The following HS3ST3B1 variants were observed in gnomAD, a reference collection of about 807,000 sequenced individuals.
The protein encoded by HS3ST3B1 is heparan sulfate-glucosamine 3-sulfotransferase 3B1.
In HS3ST3B1, 13 loss-of-function variants were observed where a neutral mutation model predicts 21.3. The ratio of observed to expected loss-of-function variants is 0.61; its 90% confidence interval spans 0.40 to 0.97. The LOEUF (loss-of-function observed/expected upper bound fraction) is 0.97, where lower values mean the gene tolerates loss of function less well. Among genes scored for constraint, HS3ST3B1 ranks in the 50% least tolerant of loss-of-function variants. The probability of loss-of-function intolerance (pLI) is 0.00; values close to 1 mark genes in which losing one functional copy is unlikely to be tolerated. For synonymous variants in HS3ST3B1, 234 were observed against 254.8 expected (o/e 0.92, Z 0.78); for missense variants, 459 against 554.8 (o/e 0.83, Z 1.73).
At chr17:14,325,873 C>T (rs549458174) in intron 1 of HS3ST3B1, among the ~76,000 whole-genome samples, 32 of 152,306 alleles carry the variant, frequency 2.1e-4, no homozygotes, top group African/African-American at 6.7e-4. Context: ...CAAAATCTGT[C>T]TTAGCATTTG....
chr17:14,336,020 A>G (rs1373435006), intron 1 of HS3ST3B1, among the ~76,000 whole-genome samples: 2 of 152,214 alleles, frequency 1.3e-5, no homozygotes, highest in Non-Finnish European at 2.9e-5. Context: ...GGAGTTCAGA[A>G]AACGTGGGGT....
chr17:14,313,309 T>C (rs1028643311), intron 1 of HS3ST3B1, among the ~76,000 whole-genome samples: 3 of 151,724 alleles, frequency 2.0e-5, no homozygotes, highest in African/African-American at 4.8e-5. Flanking sequence ...ACCCCAACTT[T>C]ATGCGCTCCA....
intron 1 of HS3ST3B1, among the ~76,000 whole-genome samples, chr17:14,323,851 T>C (rs145354282): frequency 1.3e-5 from 2 of 152,218 alleles, no homozygotes; most frequent in South Asian, 4.1e-4. Flanking sequence ...AGCTCAGCTC[T>C]TGTTCTCTCC....
In HS3ST3B1 at chr17:14,301,673, C is replaced by T. The variant is rs771998229; in HGVS notation, c.155C>T (p.Ala52Val). The change falls in exon 1 of 2, where the codon GCC (alanine) becomes GTC (valine). Residue 52 changes from alanine (A) to valine (V), a missense_variant. Ala to Val is a moderately conservative substitution (Grantham distance 64). Transcript: ENST00000360954. ...VWLYMFLYSC[A>V]GSCAAAPGLL... The stretch of plus-strand genomic sequence containing the variant: ...CTCTATATGTTCCTGTACTCGTGCG[C>T]CGGCTCCTGCGCCGCCGCGCCGGGG... The T allele has an allele frequency of 3.7e-6, 6 of 1,602,466 alleles. No individual in the cohort carries two copies. In the East Asian group the frequency reaches 1.4e-4, roughly 37 times the overall value.
At chr17:14,317,039 G>A (rs914086905) in intron 1 of HS3ST3B1, among the ~76,000 whole-genome samples, 3 of 152,254 alleles carry the variant, frequency 2.0e-5, no homozygotes, top group Non-Finnish European at 2.9e-5. Context: ...CCCTTGCTCA[G>A]GAGGAGGCGT....
In HS3ST3B1 at chr17:14,348,980, T is replaced by C. The variant is rs957179353; in HGVS notation, c.*3334T>C. Reference sequence around the variant, plus strand: ...TTGTGTGACAGATATATTTTAGACATTTGGAGAAACAGTTTCAGATCCTGC... The same window carrying C: ...TTGTGTGACAGATATATTTTAGACACTTGGAGAAACAGTTTCAGATCCTGC... On this transcript the variant is annotated 3_prime_UTR_variant, in exon 2 of 2. Transcript: ENST00000360954. The C allele has an allele frequency of 2.6e-5, 4 of 152,180 alleles. No homozygotes were observed. Among genetic ancestry groups the C allele is most frequent in the African/African-American group, 9.7e-5 (4 of 41,440 alleles). 9.4% of individuals were successfully genotyped at this position (152,180 alleles called of 1,614,324 possible).
Position 14,301,420 on chromosome 17 carries a change from G to A in HS3ST3B1, c.-99G>A, listed in dbSNP as rs1254329736. ...ACGGGGGCAATAAACCGAGCCACCC[G>A]GGCGTCCAGCGTGCCGGGGAACCCT... On this transcript the variant is annotated 5_prime_UTR_variant, in exon 1 of 2. Coordinates refer to ENST00000360954, the MANE Select transcript of HS3ST3B1 (RefSeq NM_006041.3). 7 of 1,115,192 alleles carry A rather than the reference G, an allele frequency of 6.3e-6. No individual in the cohort carries two copies. The highest frequency in any genetic ancestry group is 8.2e-6 in the Non-Finnish European group (7 of 848,998). 69.1% of individuals were successfully genotyped at this position (1,115,192 alleles called of 1,614,324 possible).
chr17:14,324,845 C>T (rs1261433593), intron 1 of HS3ST3B1, among the ~76,000 whole-genome samples: 3 of 152,266 alleles, frequency 2.0e-5, no homozygotes, highest in Middle Eastern at 3.4e-3. Context: ...AGCTCTTGGG[C>T]TCAAGCAATC....
At chr17:14,326,318 C>T (rs992792295) in intron 1 of HS3ST3B1, among the ~76,000 whole-genome samples, 2 of 151,966 alleles carry the variant, frequency 1.3e-5, no homozygotes, top group Admixed American at 1.3e-4. Flanking sequence ...ATATGCCCTG[C>T]CAGGGAGTTT....
intron 1 of HS3ST3B1, among the ~76,000 whole-genome samples, chr17:14,337,494 A>ATTTTTTTTT (rs5819471): frequency 1.4e-5 from 2 of 140,934 alleles, no homozygotes; most frequent in African/African-American, 2.7e-5. Flanking sequence ...TGCCTGGCTA[A>ATTTTTTTTT]TTTTTTTTTT....
chr17:14,345,764 T>C lies in HS3ST3B1; in HGVS notation c.*118T>C. On this transcript the variant is annotated 3_prime_UTR_variant, in exon 2 of 2. Coordinates refer to ENST00000360954, the MANE Select transcript of HS3ST3B1 (RefSeq NM_006041.3). ...TTATTTTTAATTCATAAGCAATTAA[T>C]TCACTAAGCTGCCTAGCCACACTCT... The C allele has an allele frequency of 7.9e-7, 1 of 1,272,392 alleles. No individual in the cohort carries two copies. The allele number at this position is 1,272,392 out of a possible 1,614,324, so 78.8% of individuals were successfully genotyped here. A position where few individuals can be genotyped will look rare whatever the true frequency, so the allele number is the denominator to read the frequency against.
intron 1 of HS3ST3B1, among the ~76,000 whole-genome samples, chr17:14,310,900 G>A (rs1909285604): frequency 6.6e-6 from 1 of 152,180 alleles, no homozygotes; most frequent in South Asian, 2.1e-4. Context: ...CCAAGTGTGT[G>A]GGTGGATGGG....
chr17:14,327,872 A>G (rs1048421295), intron 1 of HS3ST3B1: 1 of 152,224 alleles, frequency 6.6e-6, no homozygotes, highest in Non-Finnish European at 1.5e-5. Context: ...GAGACAAAAC[A>G]TGGAAGGCAA....
intron 1 of HS3ST3B1, among the ~76,000 whole-genome samples, chr17:14,343,010 A>G (rs1045332102): frequency 5.3e-5 from 8 of 152,130 alleles, no homozygotes; most frequent in South Asian, 2.1e-4. Context: ...TTGGGAGGCC[A>G]AGGCGGGTGG....
Position 14,317,751 on chromosome 17 carries a change from C to T in HS3ST3B1, c.554+15679C>T, listed in dbSNP as rs141889251. The stretch of plus-strand genomic sequence containing the variant: ...CTCAGAGGTGGAGAGGCTGGAATGG[C>T]ACATTAAAGAGAGGGCTTTTATCCT... On this transcript the variant is annotated intron_variant, in intron 1 of 1. Coordinates refer to ENST00000360954, the MANE Select transcript of HS3ST3B1 (RefSeq NM_006041.3). 4.5e-3 allele frequency among the ~76,000 whole-genome samples: 689 copies of T among 152,184 alleles called. 2 individuals carry two copies. The highest frequency in any genetic ancestry group is 0.016 in the African/African-American group (661 of 41,526).
chr17:14,319,368 G>A (rs1404638271), intron 1 of HS3ST3B1, among the ~76,000 whole-genome samples: 1 of 152,168 alleles, frequency 6.6e-6, no homozygotes, highest in Non-Finnish European at 1.5e-5. Context: ...ATTGTCATTA[G>A]GGCAGTCCCT....
intron 1 of HS3ST3B1, among the ~76,000 whole-genome samples, chr17:14,311,010 T>G (rs959455064): frequency 6.6e-6 from 1 of 152,192 alleles, no homozygotes; most frequent in African/African-American, 2.4e-5. Flanking sequence ...AAGGTGACCA[T>G]TTAAAATCCT....
intron 1 of HS3ST3B1, among the ~76,000 whole-genome samples, chr17:14,339,368 C>T (rs1227247991): frequency 6.6e-6 from 1 of 152,012 alleles, no homozygotes; most frequent in Non-Finnish European, 1.5e-5. Flanking sequence ...TATTAGGCTA[C>T]TAATGTATGA....
chr17:14,315,718 G>A (rs1003586370), intron 1 of HS3ST3B1, among the ~76,000 whole-genome samples: 11 of 151,976 alleles, frequency 7.2e-5, no homozygotes, highest in Non-Finnish European at 1.6e-4. Context: ...CTACTCAGGA[G>A]GCTGGAGCAG....
Sources: allele counts gnomAD v4.1 joint callset (sites outside exome capture counted in the v4.1 genomes callset), GRCh38; gene constraint gnomAD v4.1.1; transcripts MANE v1.5; gene names NCBI Gene and HGNC (gene_info 2026-07-23, HGNC 2026-07-21).